Variants in CEP164 observed in about 807,000 individuals in gnomAD.
The protein encoded by CEP164 is centrosomal protein 164.
Under a neutral mutation model 182.7 loss-of-function variants are expected in CEP164, and 162 were observed. The observed-to-expected ratio is 0.89, with a 90% CI of 0.78 to 1.01. CEP164 has a LOEUF of 1.01. Among genes scored for constraint, CEP164 ranks in the 50% least tolerant of loss-of-function variants. The pLI, the probability that CEP164 is intolerant of heterozygous loss-of-function variation, is 0.00. For missense variants in CEP164, 1,735 were observed against 1,790.4 expected, an observed-to-expected ratio of 0.97 and a Z score of 0.56; for synonymous variants, 661 against 690.0, an observed-to-expected ratio of 0.96 and a Z score of 0.66.
intron 11 of CEP164, among the ~76,000 whole-genome samples, chr11:117,377,081 ACGAAGTGCAG>A (rs2042823992): frequency 6.6e-6 from 1 of 152,184 alleles, no homozygotes; most frequent in African/African-American, 2.4e-5. Context: ...TTTGGTTCTC[ACGAAGTGCAG>A]CCTCCTGAGG....
At position 117,411,544 on chromosome 11, in the gene CEP164, G is replaced by T. The variant is rs1304267405; in HGVS notation, c.4164-251G>T. 2 of 447,312 alleles carry T rather than the reference G, an allele frequency of 4.5e-6. No homozygotes were observed. Among genetic ancestry groups the T allele is most frequent in the Non-Finnish European group, 8.2e-6 (2 of 245,212 alleles). The allele number at this position is 447,312 out of a possible 1,614,324, so 27.7% of individuals were successfully genotyped here. A position where few individuals can be genotyped will look rare whatever the true frequency, so the allele number is the denominator to read the frequency against. ...CTGATGAGATTGGCGGGAGCAGGCG[G>T]ATGTGGGAGCCCAGAGCCTTGTATC... On this transcript the variant is annotated intron_variant, in intron 31 of 32. Transcript: ENST00000278935. This position sits in a 1 kb window ranked among gnomAD's most constrained non-coding sequence, Gnocchi z 4.4.
chr11:117,351,183 C>A (rs940826627), intron 4 of CEP164, among the ~76,000 whole-genome samples: 1 of 152,174 alleles, frequency 6.6e-6, no homozygotes, highest in Non-Finnish European at 1.5e-5. Flanking sequence ...CAGGCATGCA[C>A]CACCACCCCG....
chr11:117,397,653 T>C (rs1219012025), intron 27 of CEP164, among the ~76,000 whole-genome samples: 5 of 152,052 alleles, frequency 3.3e-5, no homozygotes, highest in Admixed American at 2.6e-4. Context: ...ACTTCTTACA[T>C]GGTGGCAGCA....
Position 117,395,640 on chromosome 11 carries a change from G to C in CEP164, c.3007G>C (p.Glu1003Gln). 6.2e-7 allele frequency: 1 copy of C among 1,613,896 alleles called. No homozygotes were observed. The highest frequency in any genetic ancestry group is 1.7e-5 in the Admixed American group (1 of 60,022). Reference protein sequence around the residue: ...SNQQLREILDELQARKLKLES... With the variant: ...SNQQLREILDQLQARKLKLES... The stretch of plus-strand genomic sequence containing the variant: ...CCAGCAGCTCCGAGAAATTCTTGAT[G>C]AGCTGCAGGCCCGCAAGCTGAAGCT... The change falls in exon 24 of 33, where the codon GAG (glutamate) becomes CAG (glutamine). Residue 1003 changes from glutamate (E) to glutamine (Q), a missense_variant. Coordinates refer to ENST00000278935, the MANE Select transcript of CEP164 (RefSeq NM_014956.5).
chr11:117,393,211 G>A, intron 20 of CEP164, 85 bp downstream of exon 20: 2 of 1,518,684 alleles, frequency 1.3e-6, no homozygotes, highest in Non-Finnish European at 1.8e-6. Context: ...ACACACACAT[G>A]CACGCACATG....
chr11:117,352,761 A>G (rs1304635561), intron 5 of CEP164, among the ~76,000 whole-genome samples: 1 of 151,888 alleles, frequency 6.6e-6, no homozygotes, highest in African/African-American at 2.4e-5. Context: ...TAATTTTTGT[A>G]TTTTTAGTAG....
At chr11:117,375,487 A>G (rs1474441662) in intron 10 of CEP164, among the ~76,000 whole-genome samples, 2 of 152,262 alleles carry the variant, frequency 1.3e-5, no homozygotes, top group Non-Finnish European at 2.9e-5. Context: ...CTCACCATCT[A>G]TAGGCCACAA....
chr11:117,352,484 C>T (rs2135457835), intron 5 of CEP164, among the ~76,000 whole-genome samples: 1 of 149,876 alleles, frequency 6.7e-6, no homozygotes, highest in South Asian at 2.1e-4. Flanking sequence ...CCAGTGCGTT[C>T]AAGATTTGAA....
chr11:117,356,734 T>C (rs2040340529), intron 5 of CEP164: 1 of 1,074,144 alleles, frequency 9.3e-7, no homozygotes, highest in Admixed American at 4.2e-5. Flanking sequence ...CCTACCGTGG[T>C]AACTATTGGC....
chr11:117,387,324 GA>G lies in CEP164; in HGVS notation c.1847del (p.Glu616GlyfsTer32). ...DQRHLLESKQ[E>X]KMQQLREKLC... ...GAGGCACCTGCTGGAATCCAAGCAA[GA>G]GAAGATGCAGCAACTGCGGGAGAAG... is the stretch of plus-strand genomic sequence containing the variant. On this transcript the variant is annotated frameshift_variant, in exon 15 of 33. Coordinates refer to ENST00000278935, the MANE Select transcript of CEP164 (RefSeq NM_014956.5). LOFTEE classifies it high-confidence loss of function. The G allele has an allele frequency of 6.2e-7, 1 of 1,614,226 alleles. No individual in the cohort carries two copies. Among genetic ancestry groups the G allele is most frequent in the Non-Finnish European group, 8.5e-7 (1 of 1,180,042 alleles).
chr11:117,396,157 G>A lies in CEP164; in HGVS notation c.3193G>A (p.Asp1065Asn), dbSNP rs1341261078. 7.0e-7 allele frequency: 1 copy of A among 1,436,170 alleles called. No individual in the cohort carries two copies. The highest frequency in any genetic ancestry group is 3.6e-5 in the East Asian group (1 of 27,784). 89.0% of individuals were successfully genotyped at this position (1,436,170 alleles called of 1,614,324 possible). Residue 1065 changes from aspartate (D) to asparagine (N), a missense_variant, in exon 25 of 33, where the codon GAC becomes AAC. Coordinates refer to ENST00000278935, the MANE Select transcript of CEP164 (RefSeq NM_014956.5). ...PHFEPDLHIEDLRKSLGTNQT... is the reference protein window; with the variant it reads ...PHFEPDLHIENLRKSLGTNQT... Reference sequence around the variant, plus strand: ...TTTTGAGCCAGATCTCCATATTGAGGACCTGAGGAAATCCCTTGGAACAGT... The same window carrying A: ...TTTTGAGCCAGATCTCCATATTGAGAACCTGAGGAAATCCCTTGGAACAGT...
At chr11:117,333,914 G>C (rs1198259037) in intron 1 of CEP164, among the ~76,000 whole-genome samples, 1 of 152,188 alleles carries the variant, frequency 6.6e-6, no homozygotes, top group Non-Finnish European at 1.5e-5. Flanking sequence ...CAACTGTGCT[G>C]CTTCTTGCCT....
chr11:117,377,014 C>T (rs998996585), intron 11 of CEP164, among the ~76,000 whole-genome samples: 2 of 152,156 alleles, frequency 1.3e-5, no homozygotes, highest in African/African-American at 4.8e-5. Context: ...ATGTGGCCAG[C>T]AGCCTCTTTT....
chr11:117,396,616 G>A lies in CEP164; in HGVS notation c.3278+5G>A, dbSNP rs1382315277. The A allele has an allele frequency of 1.2e-6, 2 of 1,609,188 alleles. No individual in the cohort carries two copies. Among genetic ancestry groups the A allele is most frequent in the South Asian group, 2.2e-5 (2 of 90,988 alleles). On this transcript the variant is annotated splice_donor_5th_base_variant and intron_variant, in intron 26 of 32. Transcript: ENST00000278935. The stretch of plus-strand genomic sequence containing the variant: ...GGAGGACTTATACTTGGACAGGTGA[G>A]TTCCCATAGCCTGTCTTATTTGAGG...
rs2047377837 is a variant in CEP164, at chr11:117,411,744, C to T, written c.4164-51C>T. The T allele has an allele frequency of 3.1e-6, 5 of 1,608,830 alleles. No individual in the cohort carries two copies. The highest frequency in any genetic ancestry group is 4.2e-6 in the Non-Finnish European group (5 of 1,177,414). The stretch of plus-strand genomic sequence containing the variant: ...GTGATGGCCTCTGTGCATCCTCTGT[C>T]ACTTCCGCGCCTCCTCTCTCCCCTC... On this transcript the variant is annotated intron_variant, in intron 31 of 32. Coordinates refer to ENST00000278935, the MANE Select transcript of CEP164 (RefSeq NM_014956.5). This position sits in a 1 kb window ranked among gnomAD's most constrained non-coding sequence, Gnocchi z 4.4.
At position 117,410,828 on chromosome 11, in the gene CEP164, C is replaced by A. The variant is rs1301651733; in HGVS notation, c.4097C>A (p.Ser1366Tyr). The A allele has an allele frequency of 6.2e-7, 1 of 1,612,236 alleles. No homozygotes were observed. Among genetic ancestry groups the A allele is most frequent in the Non-Finnish European group, 8.5e-7 (1 of 1,179,070 alleles). ...GAGTCCTGTCCCCATGCTCTTCCAG[C>A]TGGCATCCCGCTGCTCAGCAACAGC... ...LLEKWRKYFP[S>Y]GIPLLSNSPT... The change falls in exon 31 of 33, where the codon TCT becomes TAT. Residue 1366 changes from serine (S) to tyrosine (Y), a missense_variant and splice_region_variant. Transcript: ENST00000278935.
At chr11:117,351,145 G>A (rs2039569166) in intron 4 of CEP164, among the ~76,000 whole-genome samples, 1 of 152,268 alleles carries the variant, frequency 6.6e-6, no homozygotes, top group South Asian at 2.1e-4. Flanking sequence ...CGATTCTCCT[G>A]CCTCAGCCTC....
In CEP164 at chr11:117,387,276, G is replaced by T; in HGVS notation, c.1798G>T (p.Ala600Ser). The T allele has an allele frequency of 6.2e-7, 1 of 1,614,214 alleles. No individual in the cohort carries two copies. The highest frequency in any genetic ancestry group is 8.5e-7 in the Non-Finnish European group (1 of 1,180,034). ...ACTAAAGGCCATGGAAGAGGCAGTG[G>T]CCCAAGTACTCGAGCAAGACCAGAG... ...AALKAMEEAV[A>S]QVLEQDQRHL... Residue 600 changes from alanine to serine, a missense_variant, in exon 15 of 33, where the codon GCC (alanine) becomes TCC (serine). Coordinates refer to ENST00000278935, the MANE Select transcript of CEP164 (RefSeq NM_014956.5).
chr11:117,352,008 C>G lies in CEP164; in HGVS notation c.393+20C>G. The G allele has an allele frequency of 6.4e-7, 1 of 1,551,732 alleles. No homozygotes were observed. Among genetic ancestry groups the G allele is most frequent in the Non-Finnish European group, 8.7e-7 (1 of 1,146,824 alleles). ...TCGCTGGTGAGTCAGTGGATGCCTCCTCCCAGAGAGGCCAGGGCTGAAATC... is the reference window on the plus strand; with the variant it reads ...TCGCTGGTGAGTCAGTGGATGCCTCGTCCCAGAGAGGCCAGGGCTGAAATC... On this transcript the variant is annotated intron_variant, in intron 5 of 32. Transcript: ENST00000278935.
Sources: allele counts gnomAD v4.1 joint callset (sites outside exome capture counted in the v4.1 genomes callset), GRCh38; gene constraint gnomAD v4.1.1; non-coding constraint Gnocchi (gnomAD v3.1); transcripts MANE v1.5; gene names NCBI Gene and HGNC (gene_info 2026-07-23, HGNC 2026-07-21).